The following IGSF22 variants were observed in gnomAD, a reference collection of about 807,000 sequenced individuals.
The protein encoded by IGSF22 is immunoglobulin superfamily, member 22.
A neutral mutation model predicts 127.0 loss-of-function variants in IGSF22; 119 were observed. That is an observed-to-expected ratio of 0.94 (90% confidence interval 0.81 to 1.09). The LOEUF (loss-of-function observed/expected upper bound fraction) is 1.09, where lower values mean the gene tolerates loss of function less well. IGSF22 is among the 50% of genes least tolerant of loss of function. IGSF22 has a pLI of 0.00. For missense variants in IGSF22, 1,518 were observed against 1,716.6 expected (o/e 0.88, Z 2.04); for synonymous variants, 568 against 664.7 (o/e 0.85, Z 2.24).
At chr11:18,722,819 CAG>C (rs1848596737) in intron 2 of IGSF22, among the ~76,000 whole-genome samples, 1 of 152,132 alleles carries the variant, frequency 6.6e-6, no homozygotes, top group Non-Finnish European at 1.5e-5. Context: ...ACTAATCTGA[CAG>C]AGGGGGAAAA....
At chr11:18,720,343 T>G (rs768473645) in intron 4 of IGSF22, 58 bp from the exon 5 acceptor site, 131 of 1,430,274 alleles carry the variant, frequency 9.2e-5, no homozygotes, top group Non-Finnish European at 1.2e-4. Flanking sequence ...GGAGACTTTC[T>G]GTCAGATAAG....
chr11:18,716,610 A>G lies in IGSF22; in HGVS notation c.1246+118T>C. Reference sequence around the variant, plus strand: ...AGATCCCCCTGTCTTTCCAGTACCTACCACAGGGCTTTGCAAAAAGGAGAT... The same window carrying G: ...AGATCCCCCTGTCTTTCCAGTACCTGCCACAGGGCTTTGCAAAAAGGAGAT... On this transcript the variant is annotated intron_variant, in intron 10 of 22. Coordinates refer to ENST00000513874, the MANE Select transcript of IGSF22 (RefSeq NM_173588.4). The surrounding 1 kb of genome is among the most constrained non-coding windows in gnomAD (Gnocchi z 4.5). 1 of 1,045,278 alleles carries G rather than the reference A, an allele frequency of 9.6e-7. No homozygotes were observed. Among genetic ancestry groups the G allele is most frequent in the African/African-American group, 1.6e-5 (1 of 63,462 alleles). The allele number at this position is 1,045,278 out of a possible 1,614,324, so 64.8% of individuals were successfully genotyped here. A position where few individuals can be genotyped will look rare whatever the true frequency, so the allele number is the denominator to read the frequency against.
At chr11:18,704,562 G>T in intron 22 of IGSF22, 24 bp from the exon 23 acceptor site, 3 of 1,462,276 alleles carry the variant, frequency 2.1e-6, no homozygotes, top group Non-Finnish European at 2.8e-6. Flanking sequence ...GGAAGTATTC[G>T]TTATATTAAT....
intron 1 of IGSF22, among the ~76,000 whole-genome samples, 199 bp from the exon 2 acceptor site, chr11:18,724,468 G>C (rs932194290): frequency 6.6e-6 from 1 of 152,186 alleles, no homozygotes; most frequent in African/African-American, 2.4e-5. Context: ...TCCTCTCACT[G>C]AGTAACTCCA....
rs1413590665 is a variant in IGSF22, at chr11:18,718,702, T to C, written c.723A>G (p.Glu241=). The change falls in exon 8 of 23, where the codon GAA becomes GAG. Residue 241 remains glutamate (E), a synonymous_variant. Transcript: ENST00000513874. The part of the protein sequence containing the change: ...VEAIRILKPL[E]DKETKVDTTV... ...TGGTGTCAACCTTGGTCTCTTTGTC[T>C]TCCAGGGGCTTCAGAATCCGGATGG... is the stretch of plus-strand genomic sequence containing the variant. 3.7e-6 allele frequency: 6 copies of C among 1,612,072 alleles called. No individual in the cohort carries two copies. In the Admixed American group the frequency reaches 1.0e-4, roughly 27 times the overall value.
rs1004547029 is a variant in IGSF22, at chr11:18,718,037, C to T, written c.867G>A (p.Met289Ile). 6.2e-7 allele frequency: 1 copy of T among 1,614,064 alleles called. No homozygotes were observed. Among genetic ancestry groups the T allele is most frequent in the African/African-American group, 1.3e-5 (1 of 74,936 alleles). The change falls in exon 9 of 23, where the codon ATG (methionine) becomes ATA (isoleucine). Residue 289 changes from methionine to isoleucine, a missense_variant. By Grantham distance (10) the Met-to-Ile change is conservative. Coordinates refer to ENST00000513874, the MANE Select transcript of IGSF22 (RefSeq NM_173588.4). ...TAATAACCAGCATGTACTTGGTGCC[C>T]ATCTGCTTCACATCGTACTTGCCCA... The part of the protein sequence containing the change: ...YSLGKYDVKQ[M>I]GTKYMLVISN...
rs1848468008 is a variant in IGSF22, at chr11:18,716,666, T to C, written c.1246+62A>G. 15 of 1,519,448 alleles carry C rather than the reference T, an allele frequency of 9.9e-6. No individual in the cohort carries two copies. Among genetic ancestry groups the C allele is most frequent in the Middle Eastern group, 4.1e-4 (2 of 4,834 alleles). The allele number at this position is 1,519,448 out of a possible 1,614,324, so 94.1% of individuals were successfully genotyped here. On this transcript the variant is annotated intron_variant, in intron 10 of 22. Transcript: ENST00000513874. This position sits in a 1 kb window ranked among gnomAD's most constrained non-coding sequence, Gnocchi z 4.5. ...GATAGATGGATATATAAATGATGAC[T>C]ACCTGCATGGAGGTTGCTGTGCCAT... is the stretch of plus-strand genomic sequence containing the variant.
At chr11:18,711,018 C>T (rs1286134695) in intron 15 of IGSF22, among the ~76,000 whole-genome samples, 190 bp from the exon 16 acceptor site, 1 of 152,190 alleles carries the variant, frequency 6.6e-6, no homozygotes, top group Non-Finnish European at 1.5e-5. Flanking sequence ...TCAAGTGATC[C>T]TCCTGTCTTG....
intron 19 of IGSF22, 35 bp from the exon 20 acceptor site, chr11:18,708,031 A>C (rs769286051): frequency 6.2e-7 from 1 of 1,610,864 alleles, no homozygotes; most frequent in East Asian, 2.2e-5. Context: ...AACTGGTCAC[A>C]CAGATGATAT....
chr11:18,708,323 C>A, intron 18 of IGSF22, 28 bp from the exon 19 acceptor site: 1 of 1,497,824 alleles, frequency 6.7e-7, no homozygotes. Context: ...GAGGTGGAGG[C>A]ATGGATCTGT....
Position 18,712,044 on chromosome 11 carries a change from C to G in IGSF22, c.2398+38G>C, listed in dbSNP as rs1266147263. ...CTGGCTTAAGGTCTCCATGCTGACC[C>G]CTGGGTTCCCCACTGAGCACCAGGC... On this transcript the variant is annotated intron_variant, in intron 15 of 22. Transcript: ENST00000513874. 3 of 1,517,226 alleles carry G rather than the reference C, an allele frequency of 2.0e-6. No homozygotes were observed. The East Asian group carries it at 7.4e-5, about 37-fold the overall frequency. The allele number at this position is 1,517,226 out of a possible 1,614,324, so 94.0% of individuals were successfully genotyped here. A position where few individuals can be genotyped will look rare whatever the true frequency, so the allele number is the denominator to read the frequency against.
chr11:18,707,104 G>C lies in IGSF22; in HGVS notation c.3390C>G (p.Tyr1130Ter). 18 of 1,551,674 alleles carry C rather than the reference G, an allele frequency of 1.2e-5. No individual in the cohort carries two copies. The highest frequency in any genetic ancestry group is 1.6e-5 in the Non-Finnish European group (18 of 1,146,980). Residue 1130 changes from tyrosine to a stop codon, truncating the protein, a stop_gained, in exon 21 of 23, where the codon TAC becomes TAG. Coordinates refer to ENST00000513874, the MANE Select transcript of IGSF22 (RefSeq NM_173588.4). LOFTEE classifies it high-confidence loss of function. ...TGCTTGCATCCCGCTTCATGATGAT[G>C]TAGTGAGCCTCACCGTCCTCCTGCA... ...PDVQEDGEAH[Y>*]IIMKRDASTA...
rs759329865 is a variant in IGSF22 at position 18,710,744 on chromosome 11, T to A, written c.2483A>T (p.Asp828Val). Residue 828 changes from aspartate (D) to valine (V), a missense_variant, in exon 16 of 23, where the codon GAT becomes GTT. Physicochemically the swap from Asp to Val is radical, Grantham distance 152. Around this residue, in one of 3 missense-constraint regions of IGSF22, gnomAD observed 1,456 missense variants for 1,644.9 expected, o/e 0.89. Transcript: ENST00000513874. ...GTAGCCGAGCACTGGGGCTCCCCCA[T>A]CCTGGGTAGGGGCATTCCACGTGAT... ...VTITWNAPTQ[D>V]GGAPVLGYIV... 5 of 1,614,174 alleles carry A rather than the reference T, an allele frequency of 3.1e-6. No homozygotes were observed. Among genetic ancestry groups the A allele is most frequent in the Non-Finnish European group, 4.2e-6 (5 of 1,179,998 alleles).
chr11:18,715,228 T>C (rs1848439635), intron 11 of IGSF22, among the ~76,000 whole-genome samples: 1 of 151,788 alleles, frequency 6.6e-6, no homozygotes. Flanking sequence ...GTGATCAGTG[T>C]CTAGGAGGTA....
At chr11:18,720,344 G>A in intron 4 of IGSF22, 59 bp from the exon 5 acceptor site, 1 of 1,372,164 alleles carries the variant, frequency 7.3e-7, no homozygotes, top group Non-Finnish European at 1.0e-6. Context: ...GAGACTTTCT[G>A]TCAGATAAGG....
chr11:18,704,977 T>C (rs7106356), intron 22 of IGSF22, among the ~76,000 whole-genome samples: 9,307 of 152,238 alleles, frequency 0.061, 966 homozygotes, highest in African/African-American at 0.21. Flanking sequence ...TCTCTGGAGA[T>C]ATTGTCTCAG....
chr11:18,710,434 C>A lies in IGSF22; in HGVS notation c.2594G>T (p.Gly865Val). 6.2e-7 allele frequency: 1 copy of A among 1,614,180 alleles called. No individual in the cohort carries two copies. The highest frequency in any genetic ancestry group is 8.5e-7 in the Non-Finnish European group (1 of 1,180,036). ...PIQGTKCTVDGLLEDTEYEFR... is the reference protein window; with the variant it reads ...PIQGTKCTVDVLLEDTEYEFR... Reference sequence around the variant, plus strand: ...TTCATATTCTGTGTCCTCCAGGAGACCATCCACAGTGCACTTGGTGCCTGA... The same window carrying A: ...TTCATATTCTGTGTCCTCCAGGAGAACATCCACAGTGCACTTGGTGCCTGA... The change falls in exon 17 of 23, where the codon GGT (glycine) becomes GTT (valine). Residue 865 changes from glycine (G) to valine (V), a missense_variant. Physicochemically the swap from Gly to Val is moderately radical, Grantham distance 109 (BLOSUM62 -3). Transcript: ENST00000513874.
chr11:18,713,277 C>T (rs1252692170), intron 14 of IGSF22, among the ~76,000 whole-genome samples: 1 of 151,834 alleles, frequency 6.6e-6, no homozygotes. Context: ...CTTAGCCTCC[C>T]GAGTAGCTGG....
rs181361635 is a variant in IGSF22, at chr11:18,724,164, C to T, written c.73G>A (p.Val25Met). 4.2e-5 allele frequency: 67 copies of T among 1,613,836 alleles called. No individual in the cohort carries two copies. Among genetic ancestry groups the T allele is most frequent in the Middle Eastern group, 1.6e-4 (1 of 6,070 alleles). ...SMEFSSSTTH[V>M]QTFSQTTKIV... ...TTGGTTGTCTGGGAGAAGGTCTGCACGTGGGTGGTGGAGCTGGAGAACTCC... is the reference window on the plus strand; with the variant it reads ...TTGGTTGTCTGGGAGAAGGTCTGCATGTGGGTGGTGGAGCTGGAGAACTCC... The change falls in exon 2 of 23, where the codon GTG (valine) becomes ATG (methionine). Residue 25 changes from valine to methionine, a missense_variant. Physicochemically the swap from Val to Met is conservative, Grantham distance 21. This residue lies in a region of IGSF22 where 1,456 missense variants were observed against 1,644.9 expected (regional missense o/e 0.89). Transcript: ENST00000513874.
Sources: allele counts gnomAD v4.1 joint callset (sites outside exome capture counted in the v4.1 genomes callset), GRCh38; gene constraint gnomAD v4.1.1; regional missense constraint gnomAD v4.1.1; non-coding constraint Gnocchi (gnomAD v3.1); transcripts MANE v1.5; gene names NCBI Gene and HGNC (gene_info 2026-07-23, HGNC 2026-07-21).